ENTREP2: variants seen among roughly 807,000 people sequenced by gnomAD.
ENTREP2 encodes protein ENTREP2.
At chr15:29,303,508 CT>C in the ENTREP2 span, among the ~76,000 whole-genome samples, 3 of 151,694 alleles carry the variant, frequency 2.0e-5, no homozygotes, top group East Asian at 1.9e-4. Flanking sequence ...TATAGGGGTA[CT>C]TTTTTTAGGT....
the ENTREP2 span, among the ~76,000 whole-genome samples, chr15:29,218,421 C>T: frequency 6.6e-6 from 1 of 152,142 alleles, no homozygotes; most frequent in Non-Finnish European, 1.5e-5. Flanking sequence ...ATGCAATCCC[C>T]ATCAAAATAC....
At chr15:29,273,740 C>G in the ENTREP2 span, among the ~76,000 whole-genome samples, 2 of 152,172 alleles carry the variant, frequency 1.3e-5, no homozygotes, top group South Asian at 2.1e-4. Context: ...CTTGCTGAGT[C>G]TTCTGGTCTT....
the ENTREP2 span, among the ~76,000 whole-genome samples, chr15:29,618,847 A>T: frequency 1.3e-5 from 2 of 152,184 alleles, no homozygotes; most frequent in African/African-American, 2.4e-5. Context: ...CTGGCTCTCA[A>T]GAAAGGGCCA....
chr15:29,611,040 G>A, the ENTREP2 span: 1 of 152,178 alleles, frequency 6.6e-6, no homozygotes, highest in South Asian at 2.1e-4. Context: ...GCATCCACTT[G>A]TATTTTCAAA....
the ENTREP2 span, among the ~76,000 whole-genome samples, chr15:29,381,455 C>CAAA: frequency 9.4e-3 from 417 of 44,226 alleles, 31 homozygotes; most frequent in African/African-American, 0.028. Context: ...GACTCTGTCT[C>CAAA]AAAAAAAAAA....
the ENTREP2 span, among the ~76,000 whole-genome samples, chr15:29,155,367 G>A: frequency 3.3e-5 from 5 of 152,106 alleles, no homozygotes; most frequent in African/African-American, 1.2e-4. Context: ...CCACTTTGGA[G>A]GTAAGGCCTA....
the ENTREP2 span, chr15:29,122,183 A>G: frequency 6.6e-6 from 1 of 151,788 alleles, no homozygotes; most frequent in Non-Finnish European, 1.5e-5. Context: ...GTTCTCGTGG[A>G]TGGCGCTGTT....
chr15:29,554,375 G>A, the ENTREP2 span, among the ~76,000 whole-genome samples: 1 of 151,242 alleles, frequency 6.6e-6, no homozygotes, highest in Non-Finnish European at 1.5e-5. Context: ...AAGGATGGAG[G>A]GAGGAAGGGA....
the ENTREP2 span, among the ~76,000 whole-genome samples, chr15:29,571,587 T>C: frequency 6.6e-6 from 1 of 152,230 alleles, no homozygotes; most frequent in South Asian, 2.1e-4. Context: ...CGATGTCCCT[T>C]ACCCACCTTT....
the ENTREP2 span, chr15:29,269,030 C>T: frequency 3.7e-6 from 6 of 1,613,982 alleles, no homozygotes; most frequent in Non-Finnish European, 5.1e-6. Flanking sequence ...CGCACAAAGT[C>T]CTCAGTAATG....
chr15:29,633,398 A>C, the ENTREP2 span, among the ~76,000 whole-genome samples: 1 of 152,118 alleles, frequency 6.6e-6, no homozygotes, highest in Non-Finnish European at 1.5e-5. Context: ...GATGTATTTT[A>C]TGTCAAATAA....
At chr15:29,489,333 G>A in the ENTREP2 span, among the ~76,000 whole-genome samples, 1 of 152,162 alleles carries the variant, frequency 6.6e-6, no homozygotes, top group African/African-American at 2.4e-5. Flanking sequence ...AAAAGGTAAT[G>A]TAATATAGAC....
the ENTREP2 span, among the ~76,000 whole-genome samples, chr15:29,201,236 G>T: frequency 6.6e-6 from 1 of 152,002 alleles, no homozygotes; most frequent in Admixed American, 6.6e-5. Flanking sequence ...AGTTATATTT[G>T]TTCTTTTCTA....
At chr15:29,444,785 C>G in the ENTREP2 span, among the ~76,000 whole-genome samples, 210 of 152,240 alleles carry the variant, frequency 1.4e-3, 2 homozygotes, top group East Asian at 0.036. Context: ...ATTTTCCTTT[C>G]ACAAATGCGT....
At chr15:29,406,662 T>C in the ENTREP2 span, among the ~76,000 whole-genome samples, 11 of 152,256 alleles carry the variant, frequency 7.2e-5, no homozygotes, top group Non-Finnish European at 1.2e-4. Flanking sequence ...AAAATTGTTC[T>C]GTAGAGAAGC....
chr15:29,512,476 C>A, the ENTREP2 span, among the ~76,000 whole-genome samples: 2 of 152,150 alleles, frequency 1.3e-5, no homozygotes, highest in African/African-American at 4.8e-5. Flanking sequence ...TGCGTCCTCC[C>A]AAAATTCGTA....
At chr15:29,673,516 C>A in the ENTREP2 span, among the ~76,000 whole-genome samples, 1 of 152,166 alleles carries the variant, frequency 6.6e-6, no homozygotes, top group Non-Finnish European at 1.5e-5. Context: ...GATCATCGAT[C>A]ATCATGTGCA....
the ENTREP2 span, among the ~76,000 whole-genome samples, chr15:29,449,325 T>C: frequency 6.6e-6 from 1 of 152,138 alleles, no homozygotes; most frequent in Admixed American, 6.5e-5. Flanking sequence ...AAACGATGTG[T>C]TTGAGCTGAG....
At chr15:29,380,297 T>C in the ENTREP2 span, among the ~76,000 whole-genome samples, 9 of 152,186 alleles carry the variant, frequency 5.9e-5, no homozygotes, top group Non-Finnish European at 7.3e-5. Context: ...TCTTCCCTGA[T>C]ACCATTTCAG....
Sources: gnomAD v4.1 joint callset for allele counts (sites outside exome capture counted in the v4.1 genomes callset) on GRCh38, gnomAD v4.1.1 for gene constraint, MANE v1.5 for transcripts, NCBI Gene and HGNC (gene_info 2026-07-23, HGNC 2026-07-21) for gene names.